The following MDFIC2 variants were observed in gnomAD, a reference collection of about 807,000 sequenced individuals.
The protein encoded by MDFIC2 is myoD family inhibitor domain-containing protein 2.
intron 2 of MDFIC2, among the ~76,000 whole-genome samples, chr3:70,227,099 C>T: frequency 6.6e-6 from 1 of 152,084 alleles, no homozygotes; most frequent in Non-Finnish European, 1.5e-5. Flanking sequence ...CAAATTATAT[C>T]CAAGTTCCCT....
chr3:70,265,627 G>A (rs967405722), intron 2 of MDFIC2, among the ~76,000 whole-genome samples: 2 of 152,206 alleles, frequency 1.3e-5, no homozygotes, highest in African/African-American at 4.8e-5. Flanking sequence ...AAGCAGATAA[G>A]GGACATTTTC....
At chr3:70,223,390 G>A (rs913751851) in intron 2 of MDFIC2, among the ~76,000 whole-genome samples, 1 of 152,118 alleles carries the variant, frequency 6.6e-6, no homozygotes, top group Admixed American at 6.6e-5. Flanking sequence ...TGAGTGCAGA[G>A]CACTGATATA....
intron 2 of MDFIC2, among the ~76,000 whole-genome samples, chr3:70,281,356 T>G (rs1462474476): frequency 1.3e-5 from 2 of 152,206 alleles, no homozygotes; most frequent in African/African-American, 4.8e-5. Flanking sequence ...CTTCATTATT[T>G]GACTCTCCTC....
intron 2 of MDFIC2, chr3:70,249,568 T>C (rs1442435790): frequency 1.3e-5 from 2 of 152,148 alleles, no homozygotes; most frequent in Non-Finnish European, 2.9e-5. Context: ...TAAGTAAATT[T>C]TTTTTCTTAA....
rs185831445 is a variant in MDFIC2 at position 70,239,766 on chromosome 3, A to G, written c.89-32976T>C. On this transcript the variant is annotated intron_variant, in intron 2 of 3. Coordinates refer to ENST00000567252, the MANE Select transcript of MDFIC2 (RefSeq NM_001364677.1). ...TTCCTGTAGGAGATCATATCGCCCT[A>G]TGTTATGATTATATGCTAAATACAG... Among the ~76,000 whole-genome samples, 484 of 152,184 alleles carry G rather than the reference A, an allele frequency of 3.2e-3. 4 individuals carry two copies. The highest frequency in any genetic ancestry group is 3.4e-3 in the Middle Eastern group (1 of 294).
intron 2 of MDFIC2, among the ~76,000 whole-genome samples, chr3:70,265,120 C>A (rs566546690): frequency 5.3e-5 from 8 of 152,268 alleles, no homozygotes; most frequent in African/African-American, 1.9e-4. Flanking sequence ...GGGTCCCTCC[C>A]ATGACATGTG....
intron 2 of MDFIC2, among the ~76,000 whole-genome samples, chr3:70,277,060 A>T (rs537560261): frequency 7.9e-5 from 12 of 152,274 alleles, no homozygotes; most frequent in African/African-American, 1.9e-4. Context: ...GAAATGAGTG[A>T]AATCAGAATT....
intron 2 of MDFIC2, among the ~76,000 whole-genome samples, chr3:70,306,963 A>G (rs993352347): frequency 2.0e-5 from 3 of 152,162 alleles, no homozygotes; most frequent in African/African-American, 7.2e-5. Flanking sequence ...ATAAATATGT[A>G]TATGTATGTG....
intron 2 of MDFIC2, among the ~76,000 whole-genome samples, chr3:70,287,008 G>T (rs1450715324): frequency 6.7e-6 from 1 of 149,258 alleles, no homozygotes; most frequent in Admixed American, 6.7e-5. Flanking sequence ...TGCAAACAGG[G>T]ACAATTTGAC....
At chr3:70,298,540 T>C (rs11711306) in intron 2 of MDFIC2, among the ~76,000 whole-genome samples, 1 of 152,176 alleles carries the variant, frequency 6.6e-6, no homozygotes, top group South Asian at 2.1e-4. Flanking sequence ...TTAATCACTG[T>C]GATCTACAGA....
At chr3:70,232,121 C>G (rs146003763) in intron 2 of MDFIC2, among the ~76,000 whole-genome samples, 1 of 152,166 alleles carries the variant, frequency 6.6e-6, no homozygotes, top group Non-Finnish European at 1.5e-5. Context: ...GTGACACTGG[C>G]AGCGAGATGT....
At chr3:70,267,497 G>C (rs1373906493) in intron 2 of MDFIC2, among the ~76,000 whole-genome samples, 5 of 145,760 alleles carry the variant, frequency 3.4e-5, no homozygotes, top group Admixed American at 1.4e-4. Context: ...CCGCCTCCTG[G>C]GCTCACGCCC....
At chr3:70,259,162 TC>T (rs1188536781) in intron 2 of MDFIC2, among the ~76,000 whole-genome samples, 6 of 152,154 alleles carry the variant, frequency 3.9e-5, no homozygotes, top group African/African-American at 1.2e-4. Flanking sequence ...TCATATGTGG[TC>T]CTTTTTCCAG....
intron 2 of MDFIC2, among the ~76,000 whole-genome samples, chr3:70,269,800 A>G (rs1298295626): frequency 6.6e-6 from 1 of 152,214 alleles, no homozygotes; most frequent in East Asian, 1.9e-4. Flanking sequence ...CAAAGAAGAA[A>G]TTTAAACGAA....
intron 2 of MDFIC2, among the ~76,000 whole-genome samples, chr3:70,254,965 T>C (rs1701801348): frequency 6.6e-6 from 1 of 152,236 alleles, no homozygotes; most frequent in Admixed American, 6.5e-5. Flanking sequence ...TGTGCAATAA[T>C]GTATTTGACC....
At chr3:70,258,531 G>A (rs759201277) in intron 2 of MDFIC2, among the ~76,000 whole-genome samples, 2 of 152,120 alleles carry the variant, frequency 1.3e-5, no homozygotes, top group Admixed American at 6.6e-5. Flanking sequence ...AGCTAGTAGA[G>A]TCTCATTTTT....
intron 2 of MDFIC2, among the ~76,000 whole-genome samples, chr3:70,245,671 T>TTATATATATATATATATA (rs34480688): frequency 3.5e-5 from 2 of 57,222 alleles, no homozygotes; most frequent in Non-Finnish European, 6.8e-5. Flanking sequence ...GCAAACTGCT[T>TTATATATATATATATATA]TATATATATA....
intron 2 of MDFIC2, among the ~76,000 whole-genome samples, chr3:70,232,067 T>G (rs1016363309): frequency 6.6e-6 from 1 of 152,162 alleles, no homozygotes; most frequent in Non-Finnish European, 1.5e-5. Context: ...TATTCTGACA[T>G]AATGAACTGG....
chr3:70,240,028 G>T (rs1701651291), intron 2 of MDFIC2, among the ~76,000 whole-genome samples: 1 of 152,024 alleles, frequency 6.6e-6, no homozygotes, highest in Admixed American at 6.6e-5. Flanking sequence ...GTAAAAATAG[G>T]TTAATGATAG....
Sources: allele counts gnomAD v4.1 joint callset (sites outside exome capture counted in the v4.1 genomes callset), GRCh38; gene constraint gnomAD v4.1.1; transcripts MANE v1.5; gene names NCBI Gene and HGNC (gene_info 2026-07-23, HGNC 2026-07-21).